MAST4: variants seen among roughly 807,000 people sequenced by gnomAD.
MAST4 encodes microtubule associated serine/threonine kinase family member 4.
A neutral mutation model predicts 162.7 loss-of-function variants in MAST4; 89 were observed. The observed-to-expected ratio is 0.55, with a 90% CI of 0.46 to 0.65. The LOEUF (loss-of-function observed/expected upper bound fraction) is 0.65, where lower values mean the gene tolerates loss of function less well. Among genes scored for constraint, MAST4 ranks in the 30% least tolerant of loss-of-function variants. The probability of loss-of-function intolerance (pLI) is 0.00; values close to 1 mark genes in which losing one functional copy is unlikely to be tolerated. For missense variants in MAST4, 3,153 were observed against 3,374.0 expected (o/e 0.93, Z 1.62); for synonymous variants, 1,479 against 1,361.1 (o/e 1.09, Z -1.91).
At chr5:66,886,807 C>T (rs1358598436) in intron 3 of MAST4, among the ~76,000 whole-genome samples, 1 of 151,150 alleles carries the variant, frequency 6.6e-6, no homozygotes, top group Non-Finnish European at 1.5e-5. Context: ...AGGGTAGGGT[C>T]TTCTTGCTTG....
intron 1 of MAST4, among the ~76,000 whole-genome samples, chr5:66,648,740 A>T (rs1228231737): frequency 6.6e-6 from 1 of 152,136 alleles, no homozygotes; most frequent in Non-Finnish European, 1.5e-5. Flanking sequence ...TTGAATTGTC[A>T]TCTGGTAGAA....
intron 1 of MAST4, among the ~76,000 whole-genome samples, chr5:66,597,546 C>T (rs1343540569): frequency 6.6e-6 from 1 of 152,104 alleles, no homozygotes; most frequent in Non-Finnish European, 1.5e-5. Context: ...GGTTTTGGCG[C>T]GTCCCCGCAG....
intron 4 of MAST4, among the ~76,000 whole-genome samples, chr5:66,936,338 T>C (rs943464197): frequency 2.6e-5 from 4 of 152,196 alleles, no homozygotes; most frequent in Non-Finnish European, 5.9e-5. Context: ...ATGGAAATGG[T>C]CATAATGGCA....
chr5:66,859,417 C>T (rs1468927297), intron 3 of MAST4, among the ~76,000 whole-genome samples: 1 of 152,028 alleles, frequency 6.6e-6, no homozygotes, highest in Non-Finnish European at 1.5e-5. Flanking sequence ...TAATTTAAGA[C>T]ACAGGTCAGT....
chr5:67,134,474 AATTC>A, intron 17 of MAST4, 45 bp from the exon 18 acceptor site: 8 of 1,550,508 alleles, frequency 5.2e-6, no homozygotes, highest in Non-Finnish European at 7.0e-6. Flanking sequence ...TGCTCATTTT[AATTC>A]ATGTCTAATA....
chr5:67,159,355 T>C (rs1253520489), intron 26 of MAST4, among the ~76,000 whole-genome samples: 1 of 152,110 alleles, frequency 6.6e-6, no homozygotes, highest in African/African-American at 2.4e-5. Context: ...TTTTAATACT[T>C]TCCTATTATC....
rs1011835414 is a variant in MAST4 at position 66,846,365 on chromosome 5, C to G, written c.643-53586C>G. On this transcript the variant is annotated intron_variant, in intron 3 of 28. Coordinates refer to ENST00000403625, the MANE Select transcript of MAST4 (RefSeq NM_001164664.2). The stretch of plus-strand genomic sequence containing the variant: ...AAAAATTGTGATGAGTTCCACATAT[C>G]CATACTTCTCCAATAGCCTTGAGGA... Among the ~76,000 whole-genome samples, 5 of 152,110 alleles carry G rather than the reference C, an allele frequency of 3.3e-5. 1 individual carries two copies. The highest frequency in any genetic ancestry group is 1.2e-4 in the African/African-American group (5 of 41,434).
At chr5:67,020,876 C>T (rs1208984751) in intron 4 of MAST4, among the ~76,000 whole-genome samples, 1 of 152,172 alleles carries the variant, frequency 6.6e-6, no homozygotes, top group African/African-American at 2.4e-5. Flanking sequence ...TGTGTACCGA[C>T]CTTTATTAGA....
chr5:67,032,431 T>C (rs1755454974), intron 4 of MAST4, among the ~76,000 whole-genome samples: 1 of 152,172 alleles, frequency 6.6e-6, no homozygotes, highest in Non-Finnish European at 1.5e-5. Context: ...AAGGTTTAAT[T>C]AAGCATGCCT....
At chr5:66,660,564 A>G (rs1264565433) in intron 1 of MAST4, among the ~76,000 whole-genome samples, 1 of 152,204 alleles carries the variant, frequency 6.6e-6, no homozygotes, top group East Asian at 1.9e-4. Flanking sequence ...ATCTGTAAAT[A>G]TTTAGTAAAA....
intron 26 of MAST4, among the ~76,000 whole-genome samples, chr5:67,155,472 T>G (rs1753780415): frequency 6.6e-6 from 1 of 152,242 alleles, no homozygotes; most frequent in Admixed American, 6.5e-5. Context: ...AGACGATACT[T>G]GGCCCAGTCC....
At chr5:66,706,555 C>T (rs1026403218) in intron 1 of MAST4, among the ~76,000 whole-genome samples, 5 of 151,550 alleles carry the variant, frequency 3.3e-5, no homozygotes, top group African/African-American at 4.8e-5. Context: ...TCCACAAAAA[C>T]GTAGAATTTT....
At chr5:66,632,589 C>G (rs865897279) in intron 1 of MAST4, among the ~76,000 whole-genome samples, 5 of 152,098 alleles carry the variant, frequency 3.3e-5, no homozygotes, top group Admixed American at 6.6e-5. Flanking sequence ...GATCTCATTT[C>G]TAGTTTATCC....
chr5:67,152,245 A>T (rs1240086129), intron 24 of MAST4, among the ~76,000 whole-genome samples: 3 of 152,246 alleles, frequency 2.0e-5, no homozygotes, highest in Non-Finnish European at 2.9e-5. Context: ...ACATGAAGAC[A>T]TACTTGAAAT....
At chr5:66,883,348 G>A (rs1761815008) in intron 3 of MAST4, among the ~76,000 whole-genome samples, 1 of 151,122 alleles carries the variant, frequency 6.6e-6, no homozygotes, top group African/African-American at 2.4e-5. Context: ...TAGGAAATTT[G>A]CCAATAGGGA....
At chr5:66,905,074 G>A (rs1027316177) in intron 4 of MAST4, among the ~76,000 whole-genome samples, 1 of 152,078 alleles carries the variant, frequency 6.6e-6, no homozygotes, top group Non-Finnish European at 1.5e-5. Context: ...GGGAGGCCAA[G>A]GCAGGTGGAT....
intron 1 of MAST4, among the ~76,000 whole-genome samples, chr5:66,708,253 A>G (rs1273563857): frequency 6.6e-6 from 1 of 152,070 alleles, no homozygotes; most frequent in African/African-American, 2.4e-5. Context: ...TAACCATCGA[A>G]GTCTGACTAC....
intron 3 of MAST4, among the ~76,000 whole-genome samples, chr5:66,842,010 A>G (rs1758463979): frequency 6.6e-6 from 1 of 152,180 alleles, no homozygotes; most frequent in Non-Finnish European, 1.5e-5. Flanking sequence ...GGAAGGCAGG[A>G]ATTGAAGGAA....
intron 1 of MAST4, among the ~76,000 whole-genome samples, chr5:66,647,147 C>T (rs573837595): frequency 2.6e-5 from 4 of 152,236 alleles, no homozygotes; most frequent in East Asian, 1.9e-4. Flanking sequence ...ACTGCCTCTT[C>T]GTAGCCTGTG....
Sources: allele counts gnomAD v4.1 joint callset (sites outside exome capture counted in the v4.1 genomes callset), GRCh38; gene constraint gnomAD v4.1.1; transcripts MANE v1.5; gene names NCBI Gene and HGNC (gene_info 2026-07-23, HGNC 2026-07-21).